DPY19L2: variants seen among roughly 807,000 people sequenced by gnomAD.
DPY19L2 encodes probable C-mannosyltransferase DPY19L2.
A neutral mutation model predicts 97.9 loss-of-function variants in DPY19L2; 34 were observed. The observed-to-expected ratio is 0.35, with a 90% CI of 0.26 to 0.46. The LOEUF is 0.46. Among genes scored for constraint, DPY19L2 ranks in the 20% least tolerant of loss-of-function variants. The probability of loss-of-function intolerance (pLI) is 1.00; values close to 1 mark genes in which losing one functional copy is unlikely to be tolerated. For missense variants in DPY19L2, 623 were observed against 911.4 expected, an observed-to-expected ratio of 0.68 and a Z score of 4.07; for synonymous variants, 230 against 307.9, an observed-to-expected ratio of 0.75 and a Z score of 2.65.
chr12:63,663,933 A>G, intron 2 of DPY19L2, 88 bp from the exon 3 acceptor site: 1 of 853,184 alleles, frequency 1.2e-6, no homozygotes, highest in South Asian at 1.7e-5. Context: ...TAAAAAAGAA[A>G]ACAATAAATT....
intron 5 of DPY19L2, among the ~76,000 whole-genome samples, chr12:63,646,904 T>C (rs182636852): frequency 6.9e-4 from 105 of 152,330 alleles, no homozygotes; most frequent in Non-Finnish European, 9.6e-4. Context: ...TACAAATAGA[T>C]ATTTGACTAT....
At chr12:63,604,246 C>G (rs2137605819) in intron 12 of DPY19L2, among the ~76,000 whole-genome samples, 1 of 152,218 alleles carries the variant, frequency 6.6e-6, no homozygotes, top group South Asian at 2.1e-4. Context: ...TGTCATTTCT[C>G]CATACCTGCT....
intron 16 of DPY19L2, among the ~76,000 whole-genome samples, chr12:63,589,567 T>C (rs1335276456): frequency 1.3e-5 from 2 of 151,898 alleles, no homozygotes; most frequent in Non-Finnish European, 2.9e-5. Flanking sequence ...TCTATGTCAC[T>C]ATACCACAAA....
At chr12:63,566,224 G>C (rs535199578) in intron 21 of DPY19L2, among the ~76,000 whole-genome samples, 1 of 151,966 alleles carries the variant, frequency 6.6e-6, no homozygotes, top group Non-Finnish European at 1.5e-5. Context: ...GTGCTCTTTT[G>C]TTTTTTTAAA....
At chr12:63,634,339 G>A (rs1052863063) in intron 6 of DPY19L2, among the ~76,000 whole-genome samples, 1 of 151,852 alleles carries the variant, frequency 6.6e-6, no homozygotes, top group African/African-American at 2.4e-5. Context: ...GTTCCAAGAT[G>A]GCTGAATAGG....
intron 12 of DPY19L2, among the ~76,000 whole-genome samples, chr12:63,601,106 G>A (rs1484603989): frequency 6.6e-6 from 1 of 152,080 alleles, no homozygotes; most frequent in Non-Finnish European, 1.5e-5. Context: ...AGTTTTAAAA[G>A]GTTACTTCCT....
chr12:63,646,261 C>T lies in DPY19L2; in HGVS notation c.709+984G>A, dbSNP rs1893396992. Among the ~76,000 whole-genome samples, 3 of 152,114 alleles carry T rather than the reference C, an allele frequency of 2.0e-5. No individual in the cohort carries two copies. In the South Asian group the frequency reaches 6.2e-4, roughly 32 times the overall value. ...AACTTATCACTTATTGGGAATGTAACTAATACCATACTTAGGTGATCATTT... is the reference window on the plus strand; with the variant it reads ...AACTTATCACTTATTGGGAATGTAATTAATACCATACTTAGGTGATCATTT... On this transcript the variant is annotated intron_variant, in intron 5 of 21. Coordinates refer to ENST00000324472, the MANE Select transcript of DPY19L2 (RefSeq NM_173812.5).
At chr12:63,668,637 T>C (rs1340673675), upstream of DPY19L2, 9 of 513,918 alleles carry the variant, frequency 1.8e-5, no homozygotes, top group Non-Finnish European at 3.1e-5. Flanking sequence ...CCCCCGCCTC[T>C]GCGCTTCCCA....
intron 4 of DPY19L2, chr12:63,651,643 GC>G (rs1343921715): frequency 5.0e-6 from 2 of 398,922 alleles, no homozygotes; most frequent in African/African-American, 2.1e-5. Context: ...AAAATCTCCG[GC>G]CCTACAGAGA....
chr12:63,572,045 C>T lies in DPY19L2; in HGVS notation c.1901-1188G>A, dbSNP rs191551823. Reference sequence around the variant, plus strand: ...ATGTGATAATGATCTACACAAAAAGCACTTTCATAAGAACCAAAAATCAGC... The same window carrying T: ...ATGTGATAATGATCTACACAAAAAGTACTTTCATAAGAACCAAAAATCAGC... On this transcript the variant is annotated intron_variant, in intron 19 of 21. Coordinates refer to ENST00000324472, the MANE Select transcript of DPY19L2 (RefSeq NM_173812.5). Among the ~76,000 whole-genome samples, 300 of 152,258 alleles carry T rather than the reference C, an allele frequency of 2.0e-3. 1 individual carries two copies. The highest frequency in any genetic ancestry group is 7.0e-3 in the African/African-American group (291 of 41,544).
At chr12:63,622,429 C>T (rs56040292) in intron 8 of DPY19L2, among the ~76,000 whole-genome samples, 12,261 of 152,146 alleles carry the variant, frequency 0.081, 780 homozygotes, top group African/African-American at 0.17. Context: ...CAAATTCAAC[C>T]GCAGAATATA....
chr12:63,634,078 G>T (rs999896624), intron 6 of DPY19L2, among the ~76,000 whole-genome samples: 1 of 150,810 alleles, frequency 6.6e-6, no homozygotes, highest in African/African-American at 2.4e-5. Context: ...TGCGGGGAAG[G>T]GGGAGGGATA....
intron 6 of DPY19L2, among the ~76,000 whole-genome samples, chr12:63,638,449 C>A (rs1231797716): frequency 6.6e-6 from 1 of 152,116 alleles, no homozygotes; most frequent in Non-Finnish European, 1.5e-5. Context: ...GATTGTATAT[C>A]TAGAAAACCC....
chr12:63,619,972 A>G, intron 9 of DPY19L2: 1 of 455,984 alleles, frequency 2.2e-6, no homozygotes, highest in Non-Finnish European at 4.4e-6. Context: ...ATGAAGTTAA[A>G]CAGACGGAAT....
chr12:63,587,721 T>C (rs184659233), intron 16 of DPY19L2, among the ~76,000 whole-genome samples: 56 of 152,018 alleles, frequency 3.7e-4, no homozygotes, highest in Admixed American at 3.3e-3. Flanking sequence ...TACAGGTGTG[T>C]GCCACCACAC....
Position 63,560,666 on chromosome 12 carries a change from A to T in DPY19L2, c.2127-4T>A, listed in dbSNP as rs1170161362. On this transcript the variant is annotated splice_polypyrimidine_tract_variant and splice_region_variant and intron_variant, in intron 21 of 21. Transcript: ENST00000324472. ...TTCAAGCATACTGCAACCAGGCCTG[A>T]AAAAAGACAGACATATATATCCATA... 2 of 1,613,718 alleles carry T rather than the reference A, an allele frequency of 1.2e-6. No homozygotes were observed. Among genetic ancestry groups the T allele is most frequent in the East Asian group, 4.5e-5 (2 of 44,832 alleles).
intron 19 of DPY19L2, among the ~76,000 whole-genome samples, chr12:63,577,968 A>T (rs1565706986): frequency 6.6e-6 from 1 of 152,122 alleles, no homozygotes; most frequent in African/African-American, 2.4e-5. Flanking sequence ...AAGGAAATAA[A>T]TATTTAGAAG....
chr12:63,597,433 T>C (rs1884433021), intron 14 of DPY19L2, among the ~76,000 whole-genome samples: 1 of 152,010 alleles, frequency 6.6e-6, no homozygotes, highest in Non-Finnish European at 1.5e-5. Context: ...GGGTGTTAAC[T>C]GTAATAAAAC....
intron 16 of DPY19L2, among the ~76,000 whole-genome samples, chr12:63,590,113 A>C (rs144357828): frequency 0.031 from 4,630 of 151,482 alleles, 107 homozygotes; most frequent in Middle Eastern, 0.082. Flanking sequence ...GCGAGACAAA[A>C]AAAACAAAAC....
Sources: allele counts gnomAD v4.1 joint callset (sites outside exome capture counted in the v4.1 genomes callset), GRCh38; gene constraint gnomAD v4.1.1; transcripts MANE v1.5; gene names NCBI Gene and HGNC (gene_info 2026-07-23, HGNC 2026-07-21).